The following NR2F1-AS1 variants were observed in gnomAD, a reference collection of about 807,000 sequenced individuals.
NR2F1-AS1 encodes NR2F1 regulatory antisense RNA 1.
At position 93,445,911 on chromosome 5, in the gene NR2F1-AS1, C is replaced by A. The variant is rs549885136; in HGVS notation, n.639-50369G>T. Among the ~76,000 whole-genome samples, 1,270 of 152,170 alleles carry A rather than the reference C, an allele frequency of 8.3e-3. 6 individuals are homozygous for A. The highest frequency in any genetic ancestry group is 0.013 in the Non-Finnish European group (889 of 67,966). ...CTGGTTCAACATATGCAAATCAATA[C>A]ATGTAATCCATCATATAAACAGAAC... On this transcript the variant is annotated intron_variant and non_coding_transcript_variant, in intron 4 of 5. Coordinates refer to ENST00000660523, the Ensembl canonical transcript of NR2F1-AS1.
At chr5:93,524,603 G>C (rs1480640542) in intron 4 of NR2F1-AS1, among the ~76,000 whole-genome samples, 1 of 152,140 alleles carries the variant, frequency 6.6e-6, no homozygotes, top group Non-Finnish European at 1.5e-5. Flanking sequence ...AGGGCAGCCA[G>C]ACAGTAAGGT....
At chr5:93,411,491 A>C (rs2305782) in intron 4 of NR2F1-AS1, 4,067 of 152,368 alleles carry the variant, frequency 0.027, 89 homozygotes, top group South Asian at 0.054. Flanking sequence ...TATCTGTCCC[A>C]GTCCTAGAGG....
intron 4 of NR2F1-AS1, among the ~76,000 whole-genome samples, chr5:93,549,154 C>T (rs967216434): frequency 2.6e-5 from 4 of 151,770 alleles, no homozygotes; most frequent in Admixed American, 2.0e-4. Context: ...TTCAAGGTAG[C>T]CAAAGCATAA....
At chr5:93,444,588 C>A (rs1324747883) in intron 4 of NR2F1-AS1, among the ~76,000 whole-genome samples, 2 of 152,136 alleles carry the variant, frequency 1.3e-5, no homozygotes, top group African/African-American at 4.8e-5. Context: ...TACACTCCCA[C>A]ACAAAAATAA....
At chr5:93,538,000 G>T (rs1052446176) in intron 4 of NR2F1-AS1, among the ~76,000 whole-genome samples, 1 of 152,100 alleles carries the variant, frequency 6.6e-6, no homozygotes, top group South Asian at 2.1e-4. Context: ...TATATACATA[G>T]TCCAGCCTGA....
At chr5:93,570,851 T>G (rs561110222) in intron 1 of NR2F1-AS1, 1 of 152,298 alleles carries the variant, frequency 6.6e-6, no homozygotes, top group South Asian at 2.1e-4. Flanking sequence ...GGGCCTAGCT[T>G]CCGGGATCCG....
chr5:93,551,869 C>A (rs1448359290), intron 4 of NR2F1-AS1, among the ~76,000 whole-genome samples: 1 of 152,100 alleles, frequency 6.6e-6, no homozygotes, highest in African/African-American at 2.4e-5. Context: ...ACACATTATA[C>A]ATTGACTCCA....
intron 1 of NR2F1-AS1, among the ~76,000 whole-genome samples, chr5:93,567,883 AAAT>A (rs1237687038): frequency 2.6e-5 from 4 of 152,202 alleles, no homozygotes; most frequent in African/African-American, 9.6e-5. Context: ...GAACGTTTTT[AAAT>A]AATTAGCATC....
chr5:93,527,301 C>A (rs986960741), intron 4 of NR2F1-AS1, among the ~76,000 whole-genome samples: 3 of 152,062 alleles, frequency 2.0e-5, no homozygotes, highest in Non-Finnish European at 2.9e-5. Context: ...ATGTGAAGGA[C>A]CTCTTCAAGG....
chr5:93,583,358 C>T (rs1322865338), upstream of NR2F1-AS1: 1 of 147,866 alleles, frequency 6.8e-6, no homozygotes, highest in Admixed American at 6.8e-5. Flanking sequence ...CCCCTCTCTC[C>T]CTCCTCTCCT....
chr5:93,541,826 C>G (rs1439311959), intron 4 of NR2F1-AS1: 3 of 151,742 alleles, frequency 2.0e-5, no homozygotes, highest in African/African-American at 7.3e-5. Flanking sequence ...GCAAGACACT[C>G]ACATTGGTGC....
chr5:93,521,570 T>A (rs942374462), intron 4 of NR2F1-AS1, among the ~76,000 whole-genome samples: 1 of 152,026 alleles, frequency 6.6e-6, no homozygotes, highest in African/African-American at 2.4e-5. Flanking sequence ...ACAGACGCTT[T>A]TCAAAAGAAG....
At chr5:93,536,450 C>T (rs11960608) in intron 4 of NR2F1-AS1, among the ~76,000 whole-genome samples, 30,199 of 151,954 alleles carry the variant, frequency 0.2, 4,516 homozygotes, top group African/African-American at 0.42. Flanking sequence ...GAAATTCATA[C>T]AGAATCACAA....
At chr5:93,418,620 T>TAAATAAATAAAA (rs1012300840) in intron 4 of NR2F1-AS1, among the ~76,000 whole-genome samples, 1 of 147,634 alleles carries the variant, frequency 6.8e-6, no homozygotes, top group African/African-American at 2.6e-5. Context: ...AATAAATAAA[T>TAAATAAATAAAA]AAAAACCTCC....
intron 4 of NR2F1-AS1, among the ~76,000 whole-genome samples, chr5:93,483,510 C>G (rs1007708577): frequency 2.6e-5 from 4 of 152,124 alleles, no homozygotes; most frequent in African/African-American, 9.7e-5. Context: ...CACAAAAAAG[C>G]TGAAAATTCC....
intron 1 of NR2F1-AS1, among the ~76,000 whole-genome samples, chr5:93,567,724 G>GA (rs1403233867): frequency 2.6e-5 from 4 of 152,078 alleles, no homozygotes; most frequent in Non-Finnish European, 5.9e-5. Context: ...AAATACTGAG[G>GA]AATCAGTTTA....
intron 4 of NR2F1-AS1, among the ~76,000 whole-genome samples, chr5:93,529,443 C>T (rs1410539047): frequency 1.3e-5 from 2 of 152,106 alleles, no homozygotes; most frequent in Non-Finnish European, 2.9e-5. Flanking sequence ...TTAATTGAAG[C>T]AGAAATTTGA....
chr5:93,498,755 A>C (rs1751016198), intron 4 of NR2F1-AS1, among the ~76,000 whole-genome samples: 1 of 152,158 alleles, frequency 6.6e-6, no homozygotes, highest in Admixed American at 6.6e-5. Flanking sequence ...ACACAAAATC[A>C]AATAGGAATA....
intron 4 of NR2F1-AS1, among the ~76,000 whole-genome samples, chr5:93,480,762 G>A (rs1447055167): frequency 2.0e-5 from 3 of 152,208 alleles, no homozygotes; most frequent in Admixed American, 1.3e-4. Flanking sequence ...ATGCAGCTGA[G>A]TAGGAGCAGA....
Sources: allele counts gnomAD v4.1 joint callset (sites outside exome capture counted in the v4.1 genomes callset), GRCh38; gene constraint gnomAD v4.1.1; transcripts MANE v1.5; gene names NCBI Gene and HGNC (gene_info 2026-07-23, HGNC 2026-07-21).